Variants in WWOX observed in about 807,000 individuals in gnomAD.
WWOX encodes WW domain-containing oxidoreductase.
Under a neutral mutation model 46.2 loss-of-function variants are expected in WWOX, and 69 were observed. That is an observed-to-expected ratio of 1.49 (90% confidence interval 1.23 to 1.82). WWOX has a LOEUF of 1.82. Among genes scored for constraint, WWOX ranks in the 40% most tolerant of loss-of-function variants. The pLI is 0.00. For missense variants in WWOX, 919 were observed against 542.6 expected (o/e 1.69, Z -6.89); for synonymous variants, 359 against 202.6 (o/e 1.77, Z -6.56).
At chr16:79,062,398 A>G (rs2048371737) in intron 8 of WWOX, among the ~76,000 whole-genome samples, 1 of 151,770 alleles carries the variant, frequency 6.6e-6, no homozygotes, top group South Asian at 2.1e-4. Flanking sequence ...ATTTATTTCC[A>G]TAGGGAAGGC....
chr16:78,566,701 A>C (rs1380229528), intron 8 of WWOX, among the ~76,000 whole-genome samples: 2 of 152,144 alleles, frequency 1.3e-5, no homozygotes, highest in Non-Finnish European at 2.9e-5. Context: ...GGAGATTGGA[A>C]ATTTTAGTGA....
intron 8 of WWOX, among the ~76,000 whole-genome samples, chr16:79,058,367 G>T (rs1384743940): frequency 8.1e-6 from 1 of 123,596 alleles, no homozygotes; most frequent in Non-Finnish European, 1.7e-5. Context: ...CATTTGGCAA[G>T]TAGTAAACTC....
At chr16:78,802,588 T>C (rs1307509856) in intron 8 of WWOX, among the ~76,000 whole-genome samples, 6 of 151,974 alleles carry the variant, frequency 3.9e-5, no homozygotes, top group Admixed American at 3.9e-4. Context: ...TTAATAAATA[T>C]TTGTGAATAT....
At chr16:78,125,180 C>T (rs2033307641) in intron 4 of WWOX, among the ~76,000 whole-genome samples, 1 of 152,118 alleles carries the variant, frequency 6.6e-6, no homozygotes, top group African/African-American at 2.4e-5. Flanking sequence ...AGATTCCGTA[C>T]TTGTCATATT....
intron 8 of WWOX, among the ~76,000 whole-genome samples, chr16:79,190,019 C>T (rs429674): frequency 0.053 from 7,923 of 149,946 alleles, 703 homozygotes; most frequent in African/African-American, 0.19. Context: ...TTTCATAACG[C>T]CTTGTTTTTT....
chr16:78,594,932 C>T (rs950578105), intron 8 of WWOX, among the ~76,000 whole-genome samples: 1 of 152,162 alleles, frequency 6.6e-6, no homozygotes, highest in Non-Finnish European at 1.5e-5. Flanking sequence ...CCAGAAGGGC[C>T]TGTCTCTCAG....
chr16:79,022,708 A>G (rs2047558816), intron 8 of WWOX, among the ~76,000 whole-genome samples: 1 of 152,220 alleles, frequency 6.6e-6, no homozygotes, highest in Non-Finnish European at 1.5e-5. Context: ...CTGGAGCCCA[A>G]GAGGGAGGGG....
intron 8 of WWOX, among the ~76,000 whole-genome samples, chr16:78,599,909 C>T (rs533739005): frequency 2.4e-4 from 37 of 152,162 alleles, no homozygotes; most frequent in Non-Finnish European, 5.0e-4. Flanking sequence ...CTCAAAGATG[C>T]CGTGGGGGTG....
At chr16:78,758,600 G>A (rs1290381579) in intron 8 of WWOX, among the ~76,000 whole-genome samples, 2 of 152,132 alleles carry the variant, frequency 1.3e-5, no homozygotes, top group Admixed American at 1.3e-4. Flanking sequence ...TATCAACCGT[G>A]GATGGTTTCT....
At chr16:78,479,264 G>A (rs975361091) in intron 8 of WWOX, among the ~76,000 whole-genome samples, 4 of 152,186 alleles carry the variant, frequency 2.6e-5, no homozygotes, top group Non-Finnish European at 4.4e-5. Flanking sequence ...AGACAGTAAG[G>A]ATATGGATAT....
intron 8 of WWOX, among the ~76,000 whole-genome samples, chr16:79,034,419 A>G (rs1403484972): frequency 1.3e-5 from 2 of 152,234 alleles, no homozygotes; most frequent in Non-Finnish European, 2.9e-5. Context: ...TCCAAGGTGT[A>G]TACACTGCCT....
At chr16:78,518,633 A>G (rs1004453318) in intron 8 of WWOX, among the ~76,000 whole-genome samples, 1 of 152,190 alleles carries the variant, frequency 6.6e-6, no homozygotes, top group African/African-American at 2.4e-5. Flanking sequence ...TTTACTGGGC[A>G]TCTAGATTTC....
chr16:79,067,578 C>T (rs192678839), intron 8 of WWOX, among the ~76,000 whole-genome samples: 1 of 139,136 alleles, frequency 7.2e-6, no homozygotes, highest in East Asian at 2.1e-4. Flanking sequence ...ACTAATACTT[C>T]ATGCTCATCC....
intron 5 of WWOX, among the ~76,000 whole-genome samples, chr16:78,363,122 A>G (rs2081448052): frequency 6.6e-6 from 1 of 152,024 alleles, no homozygotes; most frequent in Non-Finnish European, 1.5e-5. Context: ...CTTTCCGTCC[A>G]GTGGTCACTG....
chr16:78,554,797 A>G (rs1363452845), intron 8 of WWOX, among the ~76,000 whole-genome samples: 1 of 152,192 alleles, frequency 6.6e-6, no homozygotes, highest in Non-Finnish European at 1.5e-5. Context: ...TATCTGTCAG[A>G]AGCCCACTGC....
At chr16:78,888,283 G>A (rs1350030184) in intron 8 of WWOX, among the ~76,000 whole-genome samples, 2 of 152,212 alleles carry the variant, frequency 1.3e-5, no homozygotes, top group Admixed American at 6.5e-5. Context: ...ACCCACTTTG[G>A]GCTAGTGTGA....
rs1302246656 is a variant in WWOX at position 79,049,180 on chromosome 16, C to T, written c.1057-162428C>T. 4.6e-5 allele frequency among the ~76,000 whole-genome samples: 7 copies of T among 152,324 alleles called. No homozygotes were observed. In the East Asian group the frequency reaches 1.3e-3, roughly 29 times the overall value. ...CACCATCACAACTATTCAGTTCTGC[C>T]AGTGTAACTCAAAAGCAGCCATGGC... On this transcript the variant is annotated intron_variant, in intron 8 of 8. Transcript: ENST00000566780.
chr16:78,169,457 A>T (rs1194533392), intron 5 of WWOX, among the ~76,000 whole-genome samples: 2 of 88,652 alleles, frequency 2.3e-5, no homozygotes, highest in Admixed American at 2.1e-4. Context: ...CCCTGTCTTG[A>T]GATCTCAGGA....
intron 8 of WWOX, chr16:79,204,406 T>G (rs2051441155): frequency 6.6e-6 from 1 of 152,082 alleles, no homozygotes; most frequent in Non-Finnish European, 1.5e-5. Flanking sequence ...TTTCCTTCCC[T>G]CGTTAGGAGT....
Sources: allele counts gnomAD v4.1 joint callset (sites outside exome capture counted in the v4.1 genomes callset), GRCh38; gene constraint gnomAD v4.1.1; transcripts MANE v1.5; gene names NCBI Gene and HGNC (gene_info 2026-07-23, HGNC 2026-07-21).